The following CA10 variants were observed in gnomAD, a reference collection of about 807,000 sequenced individuals.
The protein encoded by CA10 is carbonic anhydrase 10 (inactive).
In CA10, 14 loss-of-function variants were observed where a neutral mutation model predicts 44.2. The observed-to-expected ratio is 0.32, with a 90% CI of 0.21 to 0.50. CA10 has a LOEUF of 0.50. Among genes scored for constraint, CA10 ranks in the 20% least tolerant of loss-of-function variants. The pLI is 0.99. For synonymous variants in CA10, 159 were observed against 141.6 expected, an observed-to-expected ratio of 1.12 and a Z score of -0.87; for missense variants, 350 against 409.7, an observed-to-expected ratio of 0.85 and a Z score of 1.26.
chr17:51,700,383 C>T (rs2143456897), intron 4 of CA10, among the ~76,000 whole-genome samples: 1 of 152,330 alleles, frequency 6.6e-6, no homozygotes, highest in Non-Finnish European at 1.5e-5. Context: ...CTGGCAATGG[C>T]TGACAAGACC....
chr17:51,671,596 T>C (rs1022331059), intron 4 of CA10, among the ~76,000 whole-genome samples: 2 of 152,054 alleles, frequency 1.3e-5, no homozygotes, highest in Admixed American at 6.6e-5. Flanking sequence ...AGTAAAGACG[T>C]GATTTCACCG....
chr17:52,081,263 T>TAA lies in CA10; in HGVS notation c.62-8872_62-8871dup, dbSNP rs569057314. ...TATGACACTTAATCAGAGATTTAAA[T>TAA]AAAAATAATTGGCTTCATGAAGATC... On this transcript the variant is annotated intron_variant, in intron 1 of 8. Transcript: ENST00000451037. Among the ~76,000 whole-genome samples the TAA allele has an allele frequency of 2.0e-5, 3 of 152,206 alleles. No homozygotes were observed. The South Asian group carries it at 6.2e-4, about 32-fold the overall frequency.
intron 2 of CA10, among the ~76,000 whole-genome samples, chr17:52,038,008 C>A (rs1302419994): frequency 6.6e-6 from 1 of 152,020 alleles, no homozygotes; most frequent in Admixed American, 6.6e-5. Context: ...AAAAACTACT[C>A]CCTCTCTGTT....
In CA10 at chr17:51,635,854, C is replaced by T; in HGVS notation, c.789+1G>A. On this transcript the variant is annotated splice_donor_variant, in intron 7 of 8. Coordinates refer to ENST00000451037, the MANE Select transcript of CA10 (RefSeq NM_020178.5). LOFTEE classifies it high-confidence loss of function. ...AGCTAAATGACCAGAGAGAAACTCACCTGCATCCTGGTTATATAGACAGGT... is the reference window on the plus strand; with the variant it reads ...AGCTAAATGACCAGAGAGAAACTCATCTGCATCCTGGTTATATAGACAGGT... The T allele has an allele frequency of 6.4e-7, 1 of 1,569,654 alleles. No individual in the cohort carries two copies. The highest frequency in any genetic ancestry group is 2.3e-5 in the East Asian group (1 of 44,240).
At chr17:51,831,278 T>A (rs1908230104) in intron 3 of CA10, among the ~76,000 whole-genome samples, 4 of 152,234 alleles carry the variant, frequency 2.6e-5, no homozygotes, top group Admixed American at 2.6e-4. Context: ...AGTCTGCAAG[T>A]CCCCTAACAT....
intron 2 of CA10, among the ~76,000 whole-genome samples, chr17:52,064,069 G>T (rs1987465986): frequency 6.6e-6 from 1 of 152,194 alleles, no homozygotes; most frequent in Non-Finnish European, 1.5e-5. Context: ...GCCTTCTCAG[G>T]ATAGGGAGAT....
chr17:51,991,592 C>G (rs1985041997), intron 2 of CA10, among the ~76,000 whole-genome samples: 1 of 151,964 alleles, frequency 6.6e-6, no homozygotes, highest in Non-Finnish European at 1.5e-5. Context: ...GGCGGATCAC[C>G]AGAGGTCGGG....
At chr17:51,691,609 T>G (rs1230171060) in intron 4 of CA10, among the ~76,000 whole-genome samples, 1 of 148,822 alleles carries the variant, frequency 6.7e-6, no homozygotes, top group African/African-American at 2.6e-5. Context: ...CTTGTGCTTT[T>G]GTGTTCATAT....
chr17:51,922,242 C>T (rs1982262489), intron 3 of CA10, among the ~76,000 whole-genome samples: 4 of 152,110 alleles, frequency 2.6e-5, no homozygotes. Flanking sequence ...CAAATAAACC[C>T]TTTGTTTAGT....
chr17:51,639,215 G>A (rs1391440932), intron 6 of CA10, among the ~76,000 whole-genome samples: 1 of 152,148 alleles, frequency 6.6e-6, no homozygotes, highest in Non-Finnish European at 1.5e-5. Context: ...TTTGTTAAAG[G>A]TCAATGTGAT....
At chr17:51,750,328 AAT>A (rs374600380) in intron 3 of CA10, among the ~76,000 whole-genome samples, 5,770 of 152,236 alleles carry the variant, frequency 0.038, 149 homozygotes, top group Non-Finnish European at 0.056. Flanking sequence ...ATAAATATAT[AAT>A]ATAGACTTTT....
intron 2 of CA10, among the ~76,000 whole-genome samples, chr17:52,024,486 A>G (rs58813446): frequency 0.011 from 1,601 of 151,480 alleles, 30 homozygotes; most frequent in African/African-American, 0.037. Flanking sequence ...GGGCTGCCAA[A>G]TCACAAGCTG....
intron 2 of CA10, among the ~76,000 whole-genome samples, chr17:51,942,863 C>A (rs142323591): frequency 1.8e-4 from 28 of 152,152 alleles, no homozygotes; most frequent in Middle Eastern, 6.8e-3. Flanking sequence ...GATGCTACCA[C>A]CATGTTGCCA....
At chr17:51,811,782 A>G (rs116014920) in intron 3 of CA10, among the ~76,000 whole-genome samples, 257 of 152,320 alleles carry the variant, frequency 1.7e-3, no homozygotes, top group African/African-American at 5.9e-3. Flanking sequence ...ATGATTTACT[A>G]TGATTTATTA....
intron 2 of CA10, among the ~76,000 whole-genome samples, chr17:52,032,980 G>A (rs898909992): frequency 6.6e-6 from 1 of 152,142 alleles, no homozygotes; most frequent in African/African-American, 2.4e-5. Context: ...CCTAATTGAA[G>A]TATACGTCAA....
chr17:51,951,978 G>T (rs113468654), intron 2 of CA10, among the ~76,000 whole-genome samples: 1 of 152,108 alleles, frequency 6.6e-6, no homozygotes, highest in Non-Finnish European at 1.5e-5. Flanking sequence ...GAGTTTTCTC[G>T]TGTGGTTTTG....
intron 4 of CA10, among the ~76,000 whole-genome samples, chr17:51,658,338 A>G (rs1030367674): frequency 1.3e-5 from 2 of 152,228 alleles, no homozygotes; most frequent in African/African-American, 4.8e-5. Context: ...ATAGTTTCAG[A>G]TGGTGGCAAA....
intron 5 of CA10, among the ~76,000 whole-genome samples, chr17:51,651,958 A>G (rs1913585065): frequency 6.6e-6 from 1 of 152,230 alleles, no homozygotes; most frequent in Non-Finnish European, 1.5e-5. Context: ...CAATGCCATA[A>G]TCAGGGCTTG....
rs899976161 is a variant in CA10, at chr17:52,003,396, G to C, written c.136+68923C>G. 2.6e-5 allele frequency among the ~76,000 whole-genome samples: 4 copies of C among 151,902 alleles called. No homozygotes were observed. In the East Asian group the frequency reaches 5.8e-4, roughly 22 times the overall value. On this transcript the variant is annotated intron_variant, in intron 2 of 8. Coordinates refer to ENST00000451037, the MANE Select transcript of CA10 (RefSeq NM_020178.5). ...AAGCAAATACCACAGTACATTGTAA[G>C]AGCCAGATTGCATATGTATTTCTTT...
Sources: allele counts gnomAD v4.1 joint callset (sites outside exome capture counted in the v4.1 genomes callset), GRCh38; gene constraint gnomAD v4.1.1; transcripts MANE v1.5; gene names NCBI Gene and HGNC (gene_info 2026-07-23, HGNC 2026-07-21).